Variants in RAP1GAP observed in about 807,000 individuals in gnomAD.
RAP1GAP encodes RAP1 GTPase activating protein, also known as rap1 GTPase-activating protein 1.
Under a neutral mutation model 87.2 loss-of-function variants are expected in RAP1GAP, and 35 were observed. The ratio of observed to expected loss-of-function variants is 0.40; its 90% confidence interval spans 0.31 to 0.53. The LOEUF is 0.53. Among genes scored for constraint, RAP1GAP ranks in the 20% least tolerant of loss-of-function variants. The probability of loss-of-function intolerance (pLI) is 0.48; values close to 1 mark genes in which losing one functional copy is unlikely to be tolerated. For missense variants in RAP1GAP, 734 were observed against 898.9 expected, an observed-to-expected ratio of 0.82 and a Z score of 2.35; for synonymous variants, 375 against 363.9, an observed-to-expected ratio of 1.03 and a Z score of -0.35.
chr1:21,651,792 C>G, intron 1 of RAP1GAP: 2 of 1,396,780 alleles, frequency 1.4e-6, no homozygotes, highest in East Asian at 3.1e-5. Flanking sequence ...CCGTAGGCCC[C>G]GAAGGTGAAG....
At chr1:21,656,441 A>G (rs3889523) in intron 1 of RAP1GAP, among the ~76,000 whole-genome samples, 1 of 149,634 alleles carries the variant, frequency 6.7e-6, no homozygotes, top group Non-Finnish European at 1.5e-5. Flanking sequence ...AAAAAAAAAA[A>G]AAAAAAAAAA....
chr1:21,627,262 G>A (rs1163855121), intron 2 of RAP1GAP, among the ~76,000 whole-genome samples: 1 of 152,164 alleles, frequency 6.6e-6, no homozygotes, highest in Non-Finnish European at 1.5e-5. Flanking sequence ...AGAGAGGCTG[G>A]TCCCTCGAGG....
At chr1:21,651,507 C>G (rs774858048) in intron 1 of RAP1GAP, 1 of 652,904 alleles carries the variant, frequency 1.5e-6, no homozygotes, top group Non-Finnish European at 3.0e-6. Context: ...TGCTTAGACA[C>G]AAACACAGCA....
chr1:21,644,130 CTT>C (rs553232687), intron 2 of RAP1GAP, among the ~76,000 whole-genome samples: 4 of 152,298 alleles, frequency 2.6e-5, no homozygotes, highest in South Asian at 4.1e-4. Flanking sequence ...GGATTTTTCT[CTT>C]GTCTCCTGAA....
At chr1:21,662,537 G>T (rs1327130126) in intron 1 of RAP1GAP, among the ~76,000 whole-genome samples, 6 of 152,082 alleles carry the variant, frequency 3.9e-5, no homozygotes, top group Admixed American at 2.6e-4. Flanking sequence ...AAGCCAGCCT[G>T]GGGCACTGGG....
chr1:21,637,090 G>C (rs1429254262), intron 2 of RAP1GAP, among the ~76,000 whole-genome samples: 1 of 151,930 alleles, frequency 6.6e-6, no homozygotes, highest in Non-Finnish European at 1.5e-5. Flanking sequence ...AGGAGCGGTG[G>C]GGGGTTTGAC....
chr1:21,649,735 C>A (rs1571322376), intron 2 of RAP1GAP, 26 bp downstream of exon 2: 1 of 1,550,924 alleles, frequency 6.4e-7, no homozygotes, highest in East Asian at 2.4e-5. Flanking sequence ...GAAACCCAGG[C>A]CCTCCTGAGA....
chr1:21,624,017 GTACATGTGTATCTCA>G (rs2090532858), intron 3 of RAP1GAP, among the ~76,000 whole-genome samples: 1 of 152,228 alleles, frequency 6.6e-6, no homozygotes, highest in Non-Finnish European at 1.5e-5. Context: ...ATTTGTGTTT[GTACATGTGTATCTCA>G]TGCATGTGCA....
intron 2 of RAP1GAP, among the ~76,000 whole-genome samples, chr1:21,630,696 T>G (rs1354045639): frequency 1.3e-5 from 2 of 151,816 alleles, no homozygotes; most frequent in African/African-American, 4.8e-5. Flanking sequence ...GGACTACAGG[T>G]GTGTGCTCGG....
At chr1:21,618,790 A>T (rs1174862711) in intron 5 of RAP1GAP, among the ~76,000 whole-genome samples, 1 of 152,102 alleles carries the variant, frequency 6.6e-6, no homozygotes, top group African/African-American at 2.4e-5. Context: ...GAGCTAGAAT[A>T]GAGGCCCCAG....
At position 21,622,270 on chromosome 1, in the gene RAP1GAP, G is replaced by C; in HGVS notation, c.-18-2220C>G. The C allele has an allele frequency of 2.2e-6, 1 of 449,388 alleles. No individual in the cohort carries two copies. The highest frequency in any genetic ancestry group is 4.0e-6 in the Non-Finnish European group (1 of 252,516). The allele number at this position is 449,388 out of a possible 1,614,324, so 27.8% of individuals were successfully genotyped here. A position where few individuals can be genotyped will look rare whatever the true frequency, so the allele number is the denominator to read the frequency against. On this transcript the variant is annotated intron_variant, in intron 3 of 24. Coordinates refer to ENST00000374765, the MANE Select transcript of RAP1GAP (RefSeq NM_002885.4). The surrounding 1 kb of genome is among the most constrained non-coding windows in gnomAD (Gnocchi z 5.7). ...GCCCTGGCTGGGGCAGAGCCGGCCG[G>C]GCTCCCCAGCAGTCGGGGTGACCCA...
intron 2 of RAP1GAP, among the ~76,000 whole-genome samples, chr1:21,644,953 C>A (rs1255758450): frequency 2.0e-5 from 3 of 149,446 alleles, no homozygotes; most frequent in African/African-American, 4.9e-5. Flanking sequence ...ATTCAGTGTA[C>A]CCATCAGAGG....
intron 1 of RAP1GAP, among the ~76,000 whole-genome samples, chr1:21,652,773 G>A (rs1255213216): frequency 6.6e-6 from 1 of 152,142 alleles, no homozygotes; most frequent in Non-Finnish European, 1.5e-5. Context: ...CCCCACCCAA[G>A]TGGAGCTGTG....
intron 10 of RAP1GAP, among the ~76,000 whole-genome samples, chr1:21,612,558 T>C (rs1188572991): frequency 6.6e-6 from 1 of 152,112 alleles, no homozygotes; most frequent in Non-Finnish European, 1.5e-5. Context: ...TAGGCCTCAG[T>C]TTCCTCTCCC....
At chr1:21,646,802 C>T (rs1247763932) in intron 2 of RAP1GAP, among the ~76,000 whole-genome samples, 2 of 152,200 alleles carry the variant, frequency 1.3e-5, no homozygotes, top group African/African-American at 4.8e-5. Flanking sequence ...CCCACTGTCC[C>T]ACTGGCTCCC....
intron 2 of RAP1GAP, among the ~76,000 whole-genome samples, chr1:21,638,269 C>T (rs2095121077): frequency 6.6e-6 from 1 of 151,802 alleles, no homozygotes; most frequent in Non-Finnish European, 1.5e-5. Context: ...ACCAGCCTGA[C>T]CAACATGGTG....
At chr1:21,655,226 T>C (rs1231450232) in intron 1 of RAP1GAP, among the ~76,000 whole-genome samples, 4 of 152,176 alleles carry the variant, frequency 2.6e-5, no homozygotes, top group Non-Finnish European at 5.9e-5. Flanking sequence ...GCCATTTTTG[T>C]AGGGCTAGCA....
intron 20 of RAP1GAP, among the ~76,000 whole-genome samples, chr1:21,600,587 T>G (rs1368599920): frequency 6.6e-6 from 1 of 152,124 alleles, no homozygotes; most frequent in Non-Finnish European, 1.5e-5. Context: ...ACACTTAGGA[T>G]AAAAGTCAAA....
rs374521693 is a variant in RAP1GAP, at chr1:21,627,029, G to C, written c.-112-632C>G. On this transcript the variant is annotated intron_variant, in intron 2 of 24. Coordinates refer to ENST00000374765, the MANE Select transcript of RAP1GAP (RefSeq NM_002885.4). The stretch of plus-strand genomic sequence containing the variant: ...ATGAGACCTGCCTGAGTCTAAGCCC[G>C]GACTCTCTGCCCACACCACACCCTT... 24 of 456,420 alleles carry C rather than the reference G, an allele frequency of 5.3e-5. No individual in the cohort carries two copies. In the East Asian group the frequency reaches 9.7e-4, roughly 19 times the overall value. The allele number at this position is 456,420 out of a possible 1,614,324, so 28.3% of individuals were successfully genotyped here. A position where few individuals can be genotyped will look rare whatever the true frequency, so the allele number is the denominator to read the frequency against.
Sources: gnomAD v4.1 joint callset for allele counts (sites outside exome capture counted in the v4.1 genomes callset) on GRCh38, gnomAD v4.1.1 for gene constraint, Gnocchi (gnomAD v3.1) non-coding constraint, MANE v1.5 for transcripts, NCBI Gene and HGNC (gene_info 2026-07-23, HGNC 2026-07-21) for gene names.